Variants in CSMD1 observed in about 807,000 individuals in gnomAD.
CSMD1 encodes the protein CUB and sushi domain-containing protein 1.
CSMD1 carries 213 observed loss-of-function variants against 417.5 expected under a neutral mutation model. The ratio of observed to expected loss-of-function variants is 0.51; its 90% CI spans 0.46 to 0.57. The LOEUF (loss-of-function observed/expected upper bound fraction) is 0.57. CSMD1 is among the 20% of genes least tolerant of loss of function. CSMD1 has a pLI of 0.00. For missense variants in CSMD1, 6,923 were observed against 4,529.7 expected (o/e 1.53, Z -15.17); for synonymous variants, 2,862 against 1,736.8 (o/e 1.65, Z -16.11).
At chr8:3,922,644 C>G (rs1268605489) in intron 5 of CSMD1, among the ~76,000 whole-genome samples, 5 of 152,096 alleles carry the variant, frequency 3.3e-5, no homozygotes, top group African/African-American at 9.7e-5. Context: ...TAAATTTGGT[C>G]ACATAAAAAT....
rs539473448 is a variant in CSMD1, at chr8:4,610,508, C to A, written c.302+26834G>T. ...TGAGACTCCATAAACACCACTCTTT[C>A]TATGATGCCACCTTTATAAAGAATA... On this transcript the variant is annotated intron_variant, in intron 2 of 69. Coordinates refer to ENST00000635120, the MANE Select transcript of CSMD1 (RefSeq NM_033225.6). Among the ~76,000 whole-genome samples the A allele has an allele frequency of 7.2e-5, 11 of 152,298 alleles. No homozygotes were observed. In the South Asian group the frequency reaches 2.3e-3, roughly 32 times the overall value.
intron 8 of CSMD1, among the ~76,000 whole-genome samples, chr8:3,605,620 T>C (rs193142903): frequency 2.6e-5 from 4 of 152,190 alleles, no homozygotes; most frequent in African/African-American, 9.7e-5. Flanking sequence ...TTCCGTTTGA[T>C]GACACATAAT....
At chr8:3,997,082 C>G (rs1455561708) in intron 5 of CSMD1, among the ~76,000 whole-genome samples, 1 of 152,162 alleles carries the variant, frequency 6.6e-6, no homozygotes, top group Non-Finnish European at 1.5e-5. Flanking sequence ...CTTGTTTAGT[C>G]ATATTTCAAG....
At chr8:3,018,316 C>A (rs1031792786) in intron 52 of CSMD1, among the ~76,000 whole-genome samples, 161 bp downstream of exon 52, 10 of 152,092 alleles carry the variant, frequency 6.6e-5, no homozygotes, top group African/African-American at 2.4e-4. Flanking sequence ...AAAACAAATC[C>A]CTGTAGATAC....
At chr8:4,635,961 G>T (rs555734540) in intron 2 of CSMD1, among the ~76,000 whole-genome samples, 10 of 151,882 alleles carry the variant, frequency 6.6e-5, no homozygotes, top group Admixed American at 2.0e-4. Flanking sequence ...AAAAAACTAG[G>T]TGTTTGAAAG....
chr8:4,102,765 C>T (rs147131936), intron 3 of CSMD1, among the ~76,000 whole-genome samples: 10 of 152,198 alleles, frequency 6.6e-5, no homozygotes, highest in African/African-American at 2.2e-4. Context: ...TTTAATTAGT[C>T]CAGGACAACA....
At chr8:3,552,802 C>T (rs1241106075) in intron 10 of CSMD1, among the ~76,000 whole-genome samples, 3 of 152,020 alleles carry the variant, frequency 2.0e-5, no homozygotes, top group Non-Finnish European at 4.4e-5. Flanking sequence ...GACTAAGAAC[C>T]ATTTTCATTA....
At chr8:3,957,699 G>C (rs767697847) in intron 5 of CSMD1, among the ~76,000 whole-genome samples, 1 of 124,368 alleles carries the variant, frequency 8.0e-6, no homozygotes, top group African/African-American at 2.8e-5. Flanking sequence ...AAAAAAAGAA[G>C]AGAAGAGGAA....
intron 10 of CSMD1, among the ~76,000 whole-genome samples, chr8:3,497,790 A>G (rs1042042361): frequency 6.6e-6 from 1 of 152,118 alleles, no homozygotes; most frequent in Non-Finnish European, 1.5e-5. Context: ...CACATCCTCT[A>G]TTCCATTCTC....
At chr8:4,729,216 G>C (rs781527948) in intron 1 of CSMD1, among the ~76,000 whole-genome samples, 7 of 152,122 alleles carry the variant, frequency 4.6e-5, no homozygotes, top group Non-Finnish European at 1.0e-4. Flanking sequence ...TTTAAATAAA[G>C]AGGGCATTAT....
intron 31 of CSMD1, among the ~76,000 whole-genome samples, chr8:3,202,216 T>G (rs529331690): frequency 6.7e-4 from 102 of 152,334 alleles, no homozygotes; most frequent in African/African-American, 2.4e-3. Flanking sequence ...TTCAAATATT[T>G]AGCAACACTT....
At position 4,450,148 on chromosome 8, in the gene CSMD1, C is replaced by G. The variant is rs73660851; in HGVS notation, c.303-30083G>C. Among the ~76,000 whole-genome samples, 486 of 152,186 alleles carry G rather than the reference C, an allele frequency of 3.2e-3. 3 individuals are homozygous for G. The highest frequency in any genetic ancestry group is 0.011 in the African/African-American group (464 of 41,512). Reference sequence around the variant, plus strand: ...TGTCCATTGTTTTCCAAATTACAACCCCAAAATGGTTGATATACGTAGAGT... The same window carrying G: ...TGTCCATTGTTTTCCAAATTACAACGCCAAAATGGTTGATATACGTAGAGT... On this transcript the variant is annotated intron_variant, in intron 2 of 69. Coordinates refer to ENST00000635120, the MANE Select transcript of CSMD1 (RefSeq NM_033225.6).
intron 3 of CSMD1, among the ~76,000 whole-genome samples, chr8:4,173,587 G>T (rs991076464): frequency 6.6e-6 from 1 of 152,050 alleles, no homozygotes; most frequent in Non-Finnish European, 1.5e-5. Context: ...AATATGATTC[G>T]CTGGGTTTAA....
intron 3 of CSMD1, among the ~76,000 whole-genome samples, chr8:4,343,779 C>T (rs1800621812): frequency 1.3e-5 from 2 of 152,060 alleles, no homozygotes; most frequent in Admixed American, 1.3e-4. Flanking sequence ...TCTCATCCTA[C>T]ACGTTCCGTA....
intron 1 of CSMD1, among the ~76,000 whole-genome samples, chr8:4,943,464 C>T (rs949312689): frequency 6.6e-6 from 1 of 151,154 alleles, no homozygotes; most frequent in Non-Finnish European, 1.5e-5. Context: ...CCACTGCACT[C>T]CAGCTTGGGG....
intron 1 of CSMD1, among the ~76,000 whole-genome samples, chr8:4,739,984 C>A (rs1360506475): frequency 1.3e-5 from 2 of 152,138 alleles, no homozygotes; most frequent in Middle Eastern, 3.2e-3. Context: ...TGGCCAGCCG[C>A]CTGCCCAGGC....
intron 21 of CSMD1, among the ~76,000 whole-genome samples, chr8:3,356,535 C>A (rs1019857735): frequency 6.6e-6 from 1 of 152,032 alleles, no homozygotes; most frequent in Non-Finnish European, 1.5e-5. Context: ...ATTAGCCGGG[C>A]GTGGTGGCAT....
At chr8:4,080,039 G>C (rs1275399414) in intron 3 of CSMD1, among the ~76,000 whole-genome samples, 3 of 151,142 alleles carry the variant, frequency 2.0e-5, no homozygotes, top group African/African-American at 7.3e-5. Context: ...AGGGTGGTGA[G>C]TGGCCCAGCT....
chr8:3,614,513 A>G (rs1356503102), intron 8 of CSMD1, among the ~76,000 whole-genome samples: 1 of 152,224 alleles, frequency 6.6e-6, no homozygotes, highest in Non-Finnish European at 1.5e-5. Flanking sequence ...CTAAGAAGAC[A>G]TTGGCCTGAA....
Sources: allele counts gnomAD v4.1 joint callset (sites outside exome capture counted in the v4.1 genomes callset), GRCh38; gene constraint gnomAD v4.1.1; transcripts MANE v1.5; gene names NCBI Gene and HGNC (gene_info 2026-07-23, HGNC 2026-07-21).